The following PPP2R2B variants were observed in gnomAD, a reference collection of about 807,000 sequenced individuals.
The protein encoded by PPP2R2B is protein phosphatase 2 regulatory subunit Bbeta.
In PPP2R2B, 5 loss-of-function variants were observed where a neutral mutation model predicts 46.0. The ratio of observed to expected loss-of-function variants is 0.11; its 90% confidence interval spans 0.06 to 0.23. PPP2R2B has a LOEUF of 0.23. Among genes scored for constraint, PPP2R2B ranks in the 10% least tolerant of loss-of-function variants. The pLI, the probability that PPP2R2B is intolerant of heterozygous loss-of-function variation, is 1.00. For synonymous variants in PPP2R2B, 215 were observed against 206.7 expected (o/e 1.04, Z -0.34); for missense variants, 367 against 575.0 (o/e 0.64, Z 3.70).
At chr5:146,935,573 T>C (rs1472033626) in intron 1 of PPP2R2B, among the ~76,000 whole-genome samples, 1 of 151,956 alleles carries the variant, frequency 6.6e-6, no homozygotes, top group Non-Finnish European at 1.5e-5. Flanking sequence ...CACCCAGCAA[T>C]ATGTGGGGAT....
At chr5:146,707,732 A>C in intron 2 of PPP2R2B, 2 of 441,090 alleles carry the variant, frequency 4.5e-6, no homozygotes, top group Non-Finnish European at 8.1e-6. Context: ...ACTTCTGTTA[A>C]TGACAAGGTG....
chr5:146,891,767 C>T (rs905533197), intron 1 of PPP2R2B, among the ~76,000 whole-genome samples: 1 of 152,140 alleles, frequency 6.6e-6, no homozygotes, highest in African/African-American at 2.4e-5. Flanking sequence ...ATGAGAATAG[C>T]TTTGACAGAT....
intron 1 of PPP2R2B, among the ~76,000 whole-genome samples, chr5:146,953,396 A>G (rs911981099): frequency 6.6e-6 from 1 of 152,154 alleles, no homozygotes; most frequent in African/African-American, 2.4e-5. Context: ...CCAGGGCACA[A>G]TGGATACACC....
chr5:146,904,698 G>T (rs1251890762), intron 1 of PPP2R2B, among the ~76,000 whole-genome samples: 1 of 152,200 alleles, frequency 6.6e-6, no homozygotes, highest in African/African-American at 2.4e-5. Context: ...GCTAAAAGTA[G>T]CTTCATCTCC....
chr5:146,976,372 A>G (rs1352470246), intron 1 of PPP2R2B, among the ~76,000 whole-genome samples: 2 of 151,944 alleles, frequency 1.3e-5, no homozygotes, highest in Non-Finnish European at 2.9e-5. Flanking sequence ...CCTGGCCTCA[A>G]GTGATCCACT....
intron 2 of PPP2R2B, among the ~76,000 whole-genome samples, chr5:146,766,159 T>A (rs1754464122): frequency 6.6e-6 from 1 of 152,212 alleles, no homozygotes; most frequent in Non-Finnish European, 1.5e-5. Context: ...CAGAAAGATG[T>A]CTTTGCTAAC....
At chr5:146,749,642 G>A (rs887824125) in intron 2 of PPP2R2B, among the ~76,000 whole-genome samples, 1 of 131,016 alleles carries the variant, frequency 7.6e-6, no homozygotes, top group African/African-American at 3.0e-5. Flanking sequence ...TGGAGTCTCA[G>A]TCTGTCGCCC....
At chr5:146,694,662 T>C (rs527745951) in intron 4 of PPP2R2B, among the ~76,000 whole-genome samples, 6 of 152,280 alleles carry the variant, frequency 3.9e-5, no homozygotes, top group Admixed American at 3.3e-4. Flanking sequence ...ATTGCATATA[T>C]AGATTTTGTA....
chr5:146,764,489 A>T (rs1754351383), intron 2 of PPP2R2B, among the ~76,000 whole-genome samples: 1 of 152,152 alleles, frequency 6.6e-6, no homozygotes, highest in Non-Finnish European at 1.5e-5. Flanking sequence ...ACAACCAAAC[A>T]TAACTTTTGG....
chr5:146,853,024 G>A (rs989606158), intron 2 of PPP2R2B, among the ~76,000 whole-genome samples: 2 of 152,122 alleles, frequency 1.3e-5, no homozygotes, highest in South Asian at 2.1e-4. Flanking sequence ...TCACAGAGGG[G>A]CATGGAGTGA....
chr5:146,666,561 C>T (rs572535474), intron 5 of PPP2R2B, among the ~76,000 whole-genome samples: 1 of 152,330 alleles, frequency 6.6e-6, no homozygotes, highest in South Asian at 2.1e-4. Flanking sequence ...GAACTGTCCA[C>T]CTGTTCCCAG....
intron 5 of PPP2R2B, among the ~76,000 whole-genome samples, chr5:146,682,504 AT>A (rs1290010267): frequency 6.6e-6 from 1 of 152,266 alleles, no homozygotes; most frequent in Non-Finnish European, 1.5e-5. Flanking sequence ...TGGTTTAAAA[AT>A]ATGGCTGTGC....
At chr5:146,728,993 G>A (rs532995385) in intron 2 of PPP2R2B, among the ~76,000 whole-genome samples, 8 of 152,280 alleles carry the variant, frequency 5.3e-5, no homozygotes, top group African/African-American at 1.9e-4. Flanking sequence ...AGCAACTTTG[G>A]AACTGGGTAA....
At chr5:146,782,074 C>T (rs186432980) in intron 2 of PPP2R2B, among the ~76,000 whole-genome samples, 21 of 152,230 alleles carry the variant, frequency 1.4e-4, no homozygotes, top group East Asian at 7.7e-4. Flanking sequence ...CATGCTCCAG[C>T]GATTTGAATA....
At chr5:146,913,130 T>C (rs77478847) in intron 1 of PPP2R2B, among the ~76,000 whole-genome samples, 669 of 152,328 alleles carry the variant, frequency 4.4e-3, no homozygotes, top group Middle Eastern at 0.014. Context: ...AAGGCAAGAA[T>C]GAGTTTATAT....
chr5:146,942,402 A>G (rs571776776), intron 1 of PPP2R2B, among the ~76,000 whole-genome samples: 6 of 152,336 alleles, frequency 3.9e-5, no homozygotes, highest in African/African-American at 1.2e-4. Context: ...ACCGTCAGAA[A>G]TAAGTCAAGT....
At chr5:147,059,157 A>G (rs557970966), upstream of PPP2R2B, among the ~76,000 whole-genome samples, 1 of 152,174 alleles carries the variant, frequency 6.6e-6, no homozygotes, top group Non-Finnish European at 1.5e-5. Context: ...CCCCTGCTCT[A>G]AAGAAGTGCA....
At chr5:146,640,061 A>G (rs1438705386) in intron 6 of PPP2R2B, among the ~76,000 whole-genome samples, 1 of 152,226 alleles carries the variant, frequency 6.6e-6, no homozygotes, top group East Asian at 1.9e-4. Context: ...AAATGCACTG[A>G]TATTTTTAGT....
chr5:146,977,079 T>G (rs974236550), intron 1 of PPP2R2B, among the ~76,000 whole-genome samples: 1 of 152,086 alleles, frequency 6.6e-6, no homozygotes, highest in Non-Finnish European at 1.5e-5. Context: ...CATCCTTGAG[T>G]GCCTTCATTC....
Sources: allele counts gnomAD v4.1 joint callset (sites outside exome capture counted in the v4.1 genomes callset), GRCh38; gene constraint gnomAD v4.1.1; transcripts MANE v1.5; gene names NCBI Gene and HGNC (gene_info 2026-07-23, HGNC 2026-07-21).